CDK13: variants seen among roughly 807,000 people sequenced by gnomAD.
CDK13 encodes the protein cyclin dependent kinase 13.
Under a neutral mutation model 137.6 loss-of-function variants are expected in CDK13, and 40 were observed. The observed-to-expected ratio is 0.29, with a 90% confidence interval of 0.23 to 0.38. The LOEUF (loss-of-function observed/expected upper bound fraction) is 0.38, where lower values mean the gene tolerates loss of function less well. CDK13 is among the 10% of genes least tolerant of loss of function. The pLI is 1.00. For synonymous variants in CDK13, 869 were observed against 760.1 expected (o/e 1.14, Z -2.36); for missense variants, 1,704 against 1,951.8 (o/e 0.87, Z 2.39).
At position 40,074,339 on chromosome 7, in the gene CDK13, A is replaced by G. The variant is rs543734698; in HGVS notation, c.2781-3666A>G. Among the ~76,000 whole-genome samples, 6 of 152,116 alleles carry G rather than the reference A, an allele frequency of 3.9e-5. No homozygotes were observed. The East Asian group carries it at 7.8e-4, about 20-fold the overall frequency. ...AGATCGAGACCATCCTGGCTAACAC[A>G]GTGAAACCCTGTCTCTACTAAAAAT... On this transcript the variant is annotated intron_variant, in intron 9 of 13. Coordinates refer to ENST00000181839, the MANE Select transcript of CDK13 (RefSeq NM_003718.5).
Position 39,955,038 on chromosome 7 carries a change from A to G in CDK13, c.1211+3186A>G, listed in dbSNP as rs542260926. The stretch of plus-strand genomic sequence containing the variant: ...GTCCTCGGCTCATGCATTTCTTTTC[A>G]TCAGTTCCCTCTTAGCTTTACTTTT... On this transcript the variant is annotated intron_variant, in intron 1 of 13. Transcript: ENST00000181839. Among the ~76,000 whole-genome samples the G allele has an allele frequency of 5.3e-5, 8 of 152,076 alleles. No individual in the cohort carries two copies. The South Asian group carries it at 1.5e-3, about 28-fold the overall frequency.
intron 7 of CDK13, among the ~76,000 whole-genome samples, chr7:40,055,473 T>G (rs565019392): frequency 2.9e-4 from 44 of 152,286 alleles, no homozygotes; most frequent in Middle Eastern, 3.4e-3. Flanking sequence ...TCAGTTTGCT[T>G]CTTCTTTGTG....
chr7:40,010,323 A>T (rs1162588744), intron 5 of CDK13, among the ~76,000 whole-genome samples: 1 of 152,146 alleles, frequency 6.6e-6, no homozygotes, highest in Non-Finnish European at 1.5e-5. Flanking sequence ...TGAGAATCTG[A>T]TGCTGCTGCT....
At chr7:40,054,862 A>G (rs559752648) in intron 7 of CDK13, among the ~76,000 whole-genome samples, 7 of 152,324 alleles carry the variant, frequency 4.6e-5, no homozygotes, top group Admixed American at 3.3e-4. Context: ...TTTAAAAAAT[A>G]TTAATGAGAT....
At chr7:40,037,640 C>A (rs560508684) in intron 5 of CDK13, among the ~76,000 whole-genome samples, 1 of 152,274 alleles carries the variant, frequency 6.6e-6, no homozygotes, top group South Asian at 2.1e-4. Flanking sequence ...TCATTTAGGA[C>A]CATTTTGGAG....
chr7:39,952,968 T>A (rs531403835), intron 1 of CDK13: 1 of 152,322 alleles, frequency 6.6e-6, no homozygotes, highest in East Asian at 1.9e-4. Flanking sequence ...CCAGACCTTA[T>A]AGTGTAGAGT....
Position 40,056,992 on chromosome 7 carries a change from C to T in CDK13, c.2601-5834C>T, listed in dbSNP as rs574424870. Among the ~76,000 whole-genome samples, 15 of 152,294 alleles carry T rather than the reference C, an allele frequency of 9.8e-5. No homozygotes were observed. The East Asian group carries it at 1.2e-3, about 12-fold the overall frequency. ...AGTGGTGGCTGGGCGTGGTGGCTCA[C>T]GCCTGTAATCCCAGCACTTTGGGAG... On this transcript the variant is annotated intron_variant, in intron 7 of 13. Transcript: ENST00000181839.
intron 4 of CDK13, among the ~76,000 whole-genome samples, chr7:39,999,771 G>T (rs1784645197): frequency 6.6e-6 from 1 of 151,984 alleles, no homozygotes; most frequent in African/African-American, 2.4e-5. Flanking sequence ...CTCTTTTATG[G>T]TGAATAATTC....
chr7:40,019,727 A>ACT (rs1230131283), intron 5 of CDK13, among the ~76,000 whole-genome samples: 1 of 152,170 alleles, frequency 6.6e-6, no homozygotes, highest in East Asian at 1.9e-4. Context: ...TAACCTTCAA[A>ACT]CTGTAACAAG....
rs767849943 is a variant in CDK13, at chr7:40,098,239, C to T, written c.*3259C>T. The T allele has an allele frequency of 6.6e-6, 1 of 151,992 alleles. No individual in the cohort carries two copies. The highest frequency in any genetic ancestry group is 1.5e-5 in the Non-Finnish European group (1 of 67,956). 9.4% of individuals were successfully genotyped at this position (151,992 alleles called of 1,614,324 possible). On this transcript the variant is annotated 3_prime_UTR_variant, in exon 14 of 14. Transcript: ENST00000181839. ...GCAATGGCCTATTTGTAAGAAATAT[C>T]AAGACTTCTTGAGAAAAATGAAAAG...
chr7:40,073,831 CT>C (rs1440741738), intron 9 of CDK13: 2 of 151,526 alleles, frequency 1.3e-5, no homozygotes, highest in East Asian at 3.9e-4. Flanking sequence ...ACCTTGTGAT[CT>C]GCCCACCTCA....
Position 40,094,267 on chromosome 7 carries a change from G to C in CDK13, c.3826G>C (p.Asp1276His). ...ACCACCAGTCACTGAGGAAGATCTAGATTATCGGACAGAAAACCAGCATGT... is the reference window on the plus strand; with the variant it reads ...ACCACCAGTCACTGAGGAAGATCTACATTATCGGACAGAAAACCAGCATGT... ...EPPPVTEEDLDYRTENQHVPT... is the reference protein window; with the variant it reads ...EPPPVTEEDLHYRTENQHVPT... Residue 1276 changes from aspartate to histidine, a missense_variant, in exon 14 of 14, where the codon GAT (aspartate) becomes CAT (histidine). By Grantham distance (81) the Asp-to-His change is moderately conservative. Around this residue, in one of 5 missense-constraint regions of CDK13, gnomAD observed 475 missense variants for 579.3 expected, o/e 0.82. Coordinates refer to ENST00000181839, the MANE Select transcript of CDK13 (RefSeq NM_003718.5). The C allele has an allele frequency of 3.7e-6, 6 of 1,612,692 alleles. No individual in the cohort carries two copies. The highest frequency in any genetic ancestry group is 5.1e-6 in the Non-Finnish European group (6 of 1,179,414).
intron 1 of CDK13, chr7:39,952,783 T>C (rs1787274633): frequency 6.6e-6 from 1 of 152,174 alleles, no homozygotes; most frequent in Non-Finnish European, 1.5e-5. Context: ...AAAGGTGTAA[T>C]TTAATTTAAT....
intron 2 of CDK13, among the ~76,000 whole-genome samples, chr7:39,993,464 T>C (rs902700016): frequency 5.3e-5 from 8 of 152,188 alleles, no homozygotes; most frequent in African/African-American, 1.9e-4. Context: ...TAAAGGTATA[T>C]GTTAGGTTCA....
chr7:40,088,915 A>G (rs1418283156), intron 12 of CDK13, among the ~76,000 whole-genome samples: 1 of 152,144 alleles, frequency 6.6e-6, no homozygotes, highest in Admixed American at 6.5e-5. Context: ...CCCCGTCTCT[A>G]CTAAAAATAC....
intron 11 of CDK13, among the ~76,000 whole-genome samples, chr7:40,085,189 C>T (rs1452991395): frequency 2.6e-5 from 4 of 151,992 alleles, no homozygotes; most frequent in African/African-American, 9.7e-5. Context: ...GGGGAAACCC[C>T]GTCTCTACTA....
intron 7 of CDK13, among the ~76,000 whole-genome samples, chr7:40,052,485 C>G (rs532946054): frequency 6.6e-6 from 1 of 152,044 alleles, no homozygotes; most frequent in Non-Finnish European, 1.5e-5. Flanking sequence ...CCCTGAAAAA[C>G]GTATCTTTAA....
intron 5 of CDK13, among the ~76,000 whole-genome samples, chr7:40,042,806 GTCTGTC>G (rs1785642339): frequency 6.7e-6 from 1 of 149,924 alleles, no homozygotes; most frequent in East Asian, 2.0e-4. Context: ...TTGAGACTGG[GTCTGTC>G]TCCTTCTGTC....
At chr7:40,090,960 C>T (rs1786907697) in intron 12 of CDK13, among the ~76,000 whole-genome samples, 1 of 152,068 alleles carries the variant, frequency 6.6e-6, no homozygotes, top group South Asian at 2.1e-4. Context: ...CCTGTAATCC[C>T]AGCACTTTGG....
Sources: gnomAD v4.1 joint callset for allele counts (sites outside exome capture counted in the v4.1 genomes callset) on GRCh38, gnomAD v4.1.1 for gene constraint, gnomAD v4.1.1 regional missense constraint, MANE v1.5 for transcripts, NCBI Gene and HGNC (gene_info 2026-07-23, HGNC 2026-07-21) for gene names.